TMEM40: variants seen among roughly 807,000 people sequenced by gnomAD.
The protein encoded by TMEM40 is transmembrane protein 40.
Under a neutral mutation model 40.8 loss-of-function variants are expected in TMEM40, and 34 were observed. That is an observed-to-expected ratio of 0.83 (90% CI 0.63 to 1.11). TMEM40 has a LOEUF of 1.11. Ranked by LOEUF, TMEM40 falls within the 50% of genes least tolerant of loss-of-function variation. The probability of loss-of-function intolerance (pLI) is 0.00; values close to 1 mark genes in which losing one functional copy is unlikely to be tolerated. For missense variants in TMEM40, 296 were observed against 280.2 expected (o/e 1.06, Z -0.40); for synonymous variants, 106 against 107.0 (o/e 0.99, Z 0.06).
At chr3:12,765,892 G>A (rs892495853) in intron 1 of TMEM40, among the ~76,000 whole-genome samples, 1 of 151,628 alleles carries the variant, frequency 6.6e-6, no homozygotes, top group African/African-American at 2.4e-5. Flanking sequence ...GTCTTGCACT[G>A]TTGCCCAGGC....
At chr3:12,747,165 C>A (rs1039415826) in intron 3 of TMEM40, among the ~76,000 whole-genome samples, 28 of 151,778 alleles carry the variant, frequency 1.8e-4, no homozygotes, top group Non-Finnish European at 3.8e-4. Context: ...GCATTTGCAA[C>A]ATGAGGACAT....
At chr3:12,763,111 G>GATC (rs2061580108), upstream of TMEM40, among the ~76,000 whole-genome samples, 3 of 136,064 alleles carry the variant, frequency 2.2e-5, no homozygotes, top group African/African-American at 8.2e-5. Context: ...AGTGAGCCGA[G>GATC]ATCGCGCCAC....
At chr3:12,768,913 G>A (rs1420489108) in intron 1 of TMEM40, among the ~76,000 whole-genome samples, 10 of 32,292 alleles carry the variant, frequency 3.1e-4, no homozygotes, top group East Asian at 4.3e-4. Context: ...AGGGCGGGCC[G>A]GGGCCGGGGC....
At chr3:12,747,103 C>G (rs1478319871) in intron 3 of TMEM40, among the ~76,000 whole-genome samples, 1 of 152,108 alleles carries the variant, frequency 6.6e-6, no homozygotes, top group East Asian at 1.9e-4. Flanking sequence ...CGACCACTCT[C>G]CCTCGCCTGC....
intron 6 of TMEM40, 36 bp from the exon 7 acceptor site, chr3:12,738,204 C>T (rs562899381): frequency 2.8e-5 from 45 of 1,612,376 alleles, no homozygotes; most frequent in South Asian, 6.6e-5. Flanking sequence ...TGCCCAACCC[C>T]GCTTGGGGTC....
intron 1 of TMEM40, among the ~76,000 whole-genome samples, chr3:12,752,720 C>A (rs1408721560): frequency 1.3e-5 from 2 of 151,944 alleles, no homozygotes; most frequent in East Asian, 1.9e-4. Context: ...ATCACTTGAA[C>A]CCCGGAGGCA....
upstream of TMEM40, among the ~76,000 whole-genome samples, chr3:12,763,116 CG>C (rs2061580142): frequency 6.9e-6 from 1 of 145,458 alleles, no homozygotes; most frequent in African/African-American, 2.6e-5. Flanking sequence ...GCCGAGATCG[CG>C]CCACTGCACT....
chr3:12,736,542 G>T, intron 10 of TMEM40, 36 bp downstream of exon 10: 1 of 1,541,486 alleles, frequency 6.5e-7, no homozygotes, highest in Non-Finnish European at 8.8e-7. Flanking sequence ...CCCTCCAAGA[G>T]ACTGTGTGTG....
In TMEM40 at chr3:12,734,361, TC is replaced by T. The variant is rs2061322965; in HGVS notation, c.*412del. ...CTCAAAGCAGTGGACCATCCATCTC[TC>T]CCAGGATGGCTCGGTAGCACCTGAG... On this transcript the variant is annotated 3_prime_UTR_variant, in exon 12 of 12. Coordinates refer to ENST00000314124, the MANE Select transcript of TMEM40 (RefSeq NM_018306.4). 1.1e-5 allele frequency: 2 copies of T among 173,966 alleles called. No individual in the cohort carries two copies. Among genetic ancestry groups the T allele is most frequent in the Non-Finnish European group, 1.2e-5 (1 of 82,324 alleles). The allele number at this position is 173,966 out of a possible 1,614,324, so 10.8% of individuals were successfully genotyped here. A position where few individuals can be genotyped will look rare whatever the true frequency, so the allele number is the denominator to read the frequency against.
At chr3:12,763,595 G>A (rs1230942418), upstream of TMEM40, among the ~76,000 whole-genome samples, 1 of 152,220 alleles carries the variant, frequency 6.6e-6, no homozygotes, top group Non-Finnish European at 1.5e-5. Flanking sequence ...GCGGGGGCCT[G>A]CCTGACTCAG....
chr3:12,739,045 C>T lies in TMEM40; in HGVS notation c.356-457G>A, dbSNP rs112989236. ...GCACACACCTGTAGTCCCAGCTACT[C>T]GGGAGGCTGAGACAGGATAATCGCT... On this transcript the variant is annotated intron_variant, in intron 5 of 11. Coordinates refer to ENST00000314124, the MANE Select transcript of TMEM40 (RefSeq NM_018306.4). 2.3e-3 allele frequency: 375 copies of T among 165,540 alleles called. 3 individuals carry two copies. Among genetic ancestry groups the T allele is most frequent in the African/African-American group, 8.4e-3 (352 of 41,832 alleles). The allele number at this position is 165,540 out of a possible 1,614,324, so 10.3% of individuals were successfully genotyped here.
chr3:12,735,930 T>C (rs1379451189), intron 10 of TMEM40, among the ~76,000 whole-genome samples: 1 of 152,222 alleles, frequency 6.6e-6, no homozygotes, highest in East Asian at 1.9e-4. Flanking sequence ...AGTCTTGCTA[T>C]GTTGCCCAGG....
Position 12,734,738 on chromosome 3 carries a change from C to A in TMEM40, c.*36G>T. Reference sequence around the variant, plus strand: ...CTCAGGGGTCGCAGTGGTGGTCACACTGGGGCCTGCCTCTGCTGCCCACCT... The same window carrying A: ...CTCAGGGGTCGCAGTGGTGGTCACAATGGGGCCTGCCTCTGCTGCCCACCT... On this transcript the variant is annotated 3_prime_UTR_variant, in exon 12 of 12. Transcript: ENST00000314124. The A allele has an allele frequency of 1.3e-6, 2 of 1,582,758 alleles. No homozygotes were observed. Among genetic ancestry groups the A allele is most frequent in the Non-Finnish European group, 8.6e-7 (1 of 1,165,848 alleles).
intron 1 of TMEM40, among the ~76,000 whole-genome samples, chr3:12,768,967 T>G (rs1475830733): frequency 6.8e-6 from 1 of 146,926 alleles, no homozygotes; most frequent in African/African-American, 2.5e-5. Context: ...GGGCGCGGCC[T>G]GGCGAGGCAC....
intron 3 of TMEM40, among the ~76,000 whole-genome samples, chr3:12,745,226 A>ATTTT (rs144839288): frequency 0.017 from 2,098 of 127,070 alleles, 73 homozygotes; most frequent in African/African-American, 0.056. Flanking sequence ...CACCTGGCTA[A>ATTTT]TTTTTTTTTT....
upstream of TMEM40, among the ~76,000 whole-genome samples, chr3:12,762,559 C>T (rs2061576894): frequency 6.6e-6 from 1 of 152,114 alleles, no homozygotes; most frequent in Non-Finnish European, 1.5e-5. Flanking sequence ...CATAAGCACA[C>T]ACGCTCATAT....
At chr3:12,761,663 T>C (rs9985266), upstream of TMEM40, among the ~76,000 whole-genome samples, 79,302 of 151,228 alleles carry the variant, frequency 0.52, 21,489 homozygotes, top group Non-Finnish European at 0.59. Context: ...CATTGTGGAC[T>C]GGTGGAGAAG....
At chr3:12,754,314 AAC>A (rs1425529569) in intron 1 of TMEM40, among the ~76,000 whole-genome samples, 22 of 133,914 alleles carry the variant, frequency 1.6e-4, no homozygotes, top group Admixed American at 2.9e-4. Context: ...TCCGTCTCAA[AAC>A]AACAACAACA....
At chr3:12,745,863 T>G (rs1227808222) in intron 3 of TMEM40, among the ~76,000 whole-genome samples, 1 of 152,158 alleles carries the variant, frequency 6.6e-6, no homozygotes, top group Non-Finnish European at 1.5e-5. Context: ...ACTGCAGAAC[T>G]GTGAGCTAAA....
Sources: gnomAD v4.1 joint callset for allele counts (sites outside exome capture counted in the v4.1 genomes callset) on GRCh38, gnomAD v4.1.1 for gene constraint, MANE v1.5 for transcripts, NCBI Gene and HGNC (gene_info 2026-07-23, HGNC 2026-07-21) for gene names.